DLG2: variants seen among roughly 807,000 people sequenced by gnomAD.
DLG2 encodes the protein disks large homolog 2.
Under a neutral mutation model 132.5 loss-of-function variants are expected in DLG2, and 45 were observed. That is an observed-to-expected ratio of 0.34 (90% CI 0.27 to 0.44). The LOEUF is 0.44. Among genes scored for constraint, DLG2 ranks in the 20% least tolerant of loss-of-function variants. DLG2 has a pLI of 1.00. For synonymous variants in DLG2, 424 were observed against 419.6 expected, an observed-to-expected ratio of 1.01 and a Z score of -0.13; for missense variants, 1,045 against 1,196.9, an observed-to-expected ratio of 0.87 and a Z score of 1.87.
chr11:84,291,381 G>A (rs1352741430), intron 7 of DLG2, among the ~76,000 whole-genome samples: 4 of 152,014 alleles, frequency 2.6e-5, no homozygotes, highest in Non-Finnish European at 5.9e-5. Flanking sequence ...CTGACAGTAC[G>A]CTACCTTTTG....
At chr11:85,154,879 G>T (rs1296130157) in intron 4 of DLG2, among the ~76,000 whole-genome samples, 2 of 152,164 alleles carry the variant, frequency 1.3e-5, no homozygotes, top group South Asian at 4.1e-4. Context: ...AAATTTCAAA[G>T]GTTTCCAGCA....
intron 11 of DLG2, among the ~76,000 whole-genome samples, chr11:84,018,893 T>C (rs1042421922): frequency 1.3e-5 from 2 of 151,294 alleles, no homozygotes; most frequent in Non-Finnish European, 3.0e-5. Flanking sequence ...CAGGAAAACA[T>C]ATAGGAATAG....
rs144972447 is a variant in DLG2, at chr11:84,297,108, G to A, written c.520-45817C>T. On this transcript the variant is annotated intron_variant, in intron 7 of 27. Transcript: ENST00000376104. ...CTTCATAAGATCAATACTCACCCATGTGAGGTAACCTCAAAGAATTTGAAA... is the reference window on the plus strand; with the variant it reads ...CTTCATAAGATCAATACTCACCCATATGAGGTAACCTCAAAGAATTTGAAA... Among the ~76,000 whole-genome samples, 1,204 of 146,488 alleles carry A rather than the reference G, an allele frequency of 8.2e-3. 17 individuals carry two copies. Among genetic ancestry groups the A allele is most frequent in the African/African-American group, 0.029 (1,154 of 40,432 alleles).
intron 6 of DLG2, among the ~76,000 whole-genome samples, chr11:84,758,051 C>T (rs1396621218): frequency 2.0e-5 from 3 of 152,254 alleles, no homozygotes; most frequent in African/African-American, 7.2e-5. Context: ...CCATAACATA[C>T]TTTACAACTG....
chr11:84,140,941 T>A (rs527844588), intron 9 of DLG2, among the ~76,000 whole-genome samples: 2 of 152,244 alleles, frequency 1.3e-5, no homozygotes, highest in East Asian at 1.9e-4. Flanking sequence ...CATATACTTG[T>A]TATGTGACCC....
Position 83,965,522 on chromosome 11 carries a change from A to C in DLG2, c.1057-54T>G, listed in dbSNP as rs533979532. The C allele has an allele frequency of 2.0e-5, 28 of 1,424,940 alleles. No homozygotes were observed. The African/African-American group carries it at 3.5e-4, about 18-fold the overall frequency. The allele number at this position is 1,424,940 out of a possible 1,614,324, so 88.3% of individuals were successfully genotyped here. ...AGTTAAATCTATGGAGCAGAAGAAA[A>C]ATATTCAGGCAAGAAGATACCTGGA... On this transcript the variant is annotated intron_variant, in intron 12 of 27. Coordinates refer to ENST00000376104, the MANE Select transcript of DLG2 (RefSeq NM_001142699.3).
chr11:84,837,473 C>T (rs936171097), intron 6 of DLG2, among the ~76,000 whole-genome samples: 3 of 151,764 alleles, frequency 2.0e-5, no homozygotes, highest in Non-Finnish European at 4.4e-5. Flanking sequence ...TGCCCATTCT[C>T]CTAGATGGCT....
Position 85,211,425 on chromosome 11 carries a change from T to C in DLG2, c.187-56774A>G, listed in dbSNP as rs540270356. On this transcript the variant is annotated intron_variant, in intron 4 of 27. Transcript: ENST00000376104. ...TGTTTAAGGTATTGTTAATATCCCA[T>C]GAACTATAGAAAGGGTAATTCAACC... Among the ~76,000 whole-genome samples the C allele has an allele frequency of 3.3e-4, 50 of 152,276 alleles. 1 individual carries two copies. The highest frequency in any genetic ancestry group is 1.2e-3 in the African/African-American group (48 of 41,564).
chr11:83,699,780 G>C (rs891107677), intron 18 of DLG2, among the ~76,000 whole-genome samples: 5 of 150,792 alleles, frequency 3.3e-5, no homozygotes, highest in African/African-American at 1.2e-4. Context: ...TTTATAGAAT[G>C]CTCCTTTGGT....
rs1213770294 is a variant in DLG2 at position 83,659,776 on chromosome 11, C to T, written c.1826-26451G>A. 2.0e-5 allele frequency among the ~76,000 whole-genome samples: 3 copies of T among 152,194 alleles called. No homozygotes were observed. In the South Asian group the frequency reaches 6.2e-4, roughly 31 times the overall value. On this transcript the variant is annotated intron_variant, in intron 18 of 27. Transcript: ENST00000376104. The stretch of plus-strand genomic sequence containing the variant: ...TATAAGAACACGCCCTTCCTGAATT[C>T]CCATTTGCATACTAAACTGTATTGT...
rs57616528 is a variant in DLG2 at position 85,527,176 on chromosome 11, ATTT to A, written c.40+71478_40+71480del. Among the ~76,000 whole-genome samples, 264 of 143,024 alleles carry A rather than the reference ATTT, an allele frequency of 1.8e-3. 3 individuals carry two copies. Among genetic ancestry groups the A allele is most frequent in the East Asian group, 0.014 (68 of 4,890 alleles). The allele number at this position is 143,024 out of a possible 152,430, so 93.8% of individuals were successfully genotyped here. On this transcript the variant is annotated intron_variant, in intron 3 of 27. Transcript: ENST00000376104. ...TTGTTTTTGCCTAAAGGATGTTTTT[ATTT>A]TTTTTTTTTTTTATTTTACTTTAAG...
intron 7 of DLG2, among the ~76,000 whole-genome samples, chr11:84,363,258 C>T (rs899490540): frequency 3.3e-5 from 5 of 151,944 alleles, no homozygotes; most frequent in African/African-American, 1.2e-4. Context: ...CTCTGATAGC[C>T]AGTGATGGTG....
chr11:84,338,297 T>A (rs2098497319), intron 7 of DLG2, among the ~76,000 whole-genome samples: 1 of 152,186 alleles, frequency 6.6e-6, no homozygotes, highest in Non-Finnish European at 1.5e-5. Flanking sequence ...ATTTCCTTGA[T>A]GAACTCTATT....
chr11:84,881,361 C>G (rs1363140141), intron 6 of DLG2, among the ~76,000 whole-genome samples: 1 of 152,100 alleles, frequency 6.6e-6, no homozygotes, highest in Non-Finnish European at 1.5e-5. Flanking sequence ...GCCAAATACT[C>G]CTCCTCTCTC....
At chr11:83,754,647 AG>A (rs779892266) in intron 18 of DLG2, among the ~76,000 whole-genome samples, 1 of 151,278 alleles carries the variant, frequency 6.6e-6, no homozygotes, top group Non-Finnish European at 1.5e-5. Flanking sequence ...TGATGATTAG[AG>A]ATTCAGGAGG....
chr11:83,687,357 T>C (rs1408018599), intron 18 of DLG2, among the ~76,000 whole-genome samples: 1 of 152,138 alleles, frequency 6.6e-6, no homozygotes. Flanking sequence ...AGCTAGAAAT[T>C]GGCAGGGCCG....
At chr11:83,550,445 G>A (rs1417830150) in intron 19 of DLG2, among the ~76,000 whole-genome samples, 6 of 152,128 alleles carry the variant, frequency 3.9e-5, no homozygotes, top group Non-Finnish European at 7.4e-5. Flanking sequence ...GCCCATTTGA[G>A]CCCACCTTCT....
intron 9 of DLG2, among the ~76,000 whole-genome samples, chr11:84,120,056 T>C (rs2093831271): frequency 6.6e-6 from 1 of 152,188 alleles, no homozygotes; most frequent in Non-Finnish European, 1.5e-5. Flanking sequence ...AATTTCAACT[T>C]CATTTCATCC....
chr11:83,928,142 AAAG>A (rs1591225230), intron 15 of DLG2, among the ~76,000 whole-genome samples: 1 of 152,102 alleles, frequency 6.6e-6, no homozygotes, highest in East Asian at 1.9e-4. Flanking sequence ...AAAAAGAAAA[AAAG>A]AAGGAGAAAG....
Sources: gnomAD v4.1 joint callset for allele counts (sites outside exome capture counted in the v4.1 genomes callset) on GRCh38, gnomAD v4.1.1 for gene constraint, MANE v1.5 for transcripts, NCBI Gene and HGNC (gene_info 2026-07-23, HGNC 2026-07-21) for gene names.